Variants in FERMT2 observed in about 807,000 individuals in gnomAD.
FERMT2 encodes FERM domain containing kindlin 2.
FERMT2 carries 15 observed loss-of-function variants against 82.7 expected under a neutral mutation model. The observed-to-expected ratio is 0.18, with a 90% confidence interval of 0.12 to 0.28. The LOEUF (loss-of-function observed/expected upper bound fraction) is 0.28, where lower values mean the gene tolerates loss of function less well. Ranked by LOEUF, FERMT2 falls within the 10% of genes least tolerant of loss-of-function variation. The pLI is 1.00. For synonymous variants in FERMT2, 274 were observed against 271.5 expected (o/e 1.01, Z -0.09); for missense variants, 645 against 809.4 (o/e 0.80, Z 2.46).
chr14:52,884,664 A>G (rs1886485313), intron 4 of FERMT2, among the ~76,000 whole-genome samples: 1 of 152,060 alleles, frequency 6.6e-6, no homozygotes, highest in Non-Finnish European at 1.5e-5. Context: ...GCCTCCATGT[A>G]CTATAACTTA....
At chr14:52,949,911 C>CA (rs796535800) in intron 2 of FERMT2, among the ~76,000 whole-genome samples, 1 of 152,150 alleles carries the variant, frequency 6.6e-6, no homozygotes, top group East Asian at 1.9e-4. Flanking sequence ...TGCACTCCAC[C>CA]ACGTAGAACA....
At chr14:52,918,698 A>G (rs754865005) in intron 3 of FERMT2, among the ~76,000 whole-genome samples, 2 of 152,180 alleles carry the variant, frequency 1.3e-5, no homozygotes, top group Admixed American at 1.3e-4. Flanking sequence ...CAAATTGTAG[A>G]CTGGTGAAGG....
chr14:52,897,676 G>A (rs1225878192), intron 3 of FERMT2, among the ~76,000 whole-genome samples: 2 of 151,802 alleles, frequency 1.3e-5, no homozygotes, highest in African/African-American at 4.8e-5. Context: ...TTATTTCAAC[G>A]TTACTCTTAG....
At chr14:52,919,380 A>G (rs1484710911) in intron 2 of FERMT2, 24 bp from the exon 3 acceptor site, 3 of 1,506,516 alleles carry the variant, frequency 2.0e-6, no homozygotes, top group South Asian at 1.2e-5. Flanking sequence ...ACAATAAACA[A>G]ATCACTTAAA....
intron 12 of FERMT2, chr14:52,860,954 G>C: frequency 8.0e-7 from 1 of 1,244,276 alleles, no homozygotes; most frequent in South Asian, 1.4e-5. Flanking sequence ...CATGAGGGAA[G>C]GTTGTGGCTA....
intron 6 of FERMT2, among the ~76,000 whole-genome samples, chr14:52,880,098 C>A (rs927293726): frequency 1.3e-5 from 2 of 151,960 alleles, no homozygotes; most frequent in South Asian, 4.2e-4. Flanking sequence ...TCTGTCTCTA[C>A]AGAAAATAAG....
intron 12 of FERMT2, chr14:52,860,958 G>A (rs1884890952): frequency 2.3e-6 from 3 of 1,289,254 alleles, no homozygotes; most frequent in South Asian, 2.8e-5. Context: ...AGGGAAGGTT[G>A]TGGCTATGAA....
intron 2 of FERMT2, among the ~76,000 whole-genome samples, chr14:52,947,392 T>C (rs1350584249): frequency 6.6e-6 from 1 of 152,120 alleles, no homozygotes; most frequent in Non-Finnish European, 1.5e-5. Context: ...GGCAGGAGAA[T>C]GGCGTGAACC....
At chr14:52,859,396 T>C (rs1297404486) in intron 14 of FERMT2, 177 bp downstream of exon 14, 6 of 546,508 alleles carry the variant, frequency 1.1e-5, no homozygotes, top group Middle Eastern at 5.1e-4. Context: ...TTTTAGTAAC[T>C]GGGCTAATTA....
intron 3 of FERMT2, among the ~76,000 whole-genome samples, chr14:52,916,394 C>A (rs1363740754): frequency 1.3e-5 from 2 of 149,676 alleles, no homozygotes; most frequent in African/African-American, 2.5e-5. Context: ...TATCAAGCCA[C>A]AAAAAAACAT....
intron 3 of FERMT2, among the ~76,000 whole-genome samples, chr14:52,918,028 G>C (rs1207684712): frequency 6.6e-6 from 1 of 152,192 alleles, no homozygotes; most frequent in Non-Finnish European, 1.5e-5. Flanking sequence ...ATTTTCAAAT[G>C]TTTTCAGCAA....
At chr14:52,927,589 C>T (rs1889346645) in intron 2 of FERMT2, among the ~76,000 whole-genome samples, 1 of 36,430 alleles carries the variant, frequency 2.7e-5, no homozygotes, top group Non-Finnish European at 5.1e-5. Flanking sequence ...AACCTCATCC[C>T]TATAAAAAAA....
In FERMT2 at chr14:52,919,220, C is replaced by A; in HGVS notation, c.294G>T (p.Leu98=). 1 of 1,614,116 alleles carries A rather than the reference C, an allele frequency of 6.2e-7. No homozygotes were observed. Among genetic ancestry groups the A allele is most frequent in the Non-Finnish European group, 8.5e-7 (1 of 1,179,994 alleles). Residue 98 remains leucine, a synonymous_variant, in exon 3 of 15, where the codon CTG becomes CTT. Transcript: ENST00000341590. ...AKLQFTPQHK[L]LRLQLPNMKY... ...TCATGTTGGGAAGCTGCAGGCGGAGCAGTTTGTGCTGAGGGGTGAACTGAA... is the reference window on the plus strand; with the variant it reads ...TCATGTTGGGAAGCTGCAGGCGGAGAAGTTTGTGCTGAGGGGTGAACTGAA...
chr14:52,893,862 CT>C (rs1419582453), intron 3 of FERMT2, among the ~76,000 whole-genome samples: 2 of 148,440 alleles, frequency 1.3e-5, no homozygotes, highest in Non-Finnish European at 3.0e-5. Context: ...GAGTTTCACT[CT>C]TGTTACCCAG....
rs764302852 is a variant in FERMT2 at position 52,860,330 on chromosome 14, G to A, written c.1727+11C>T. 4.0e-5 allele frequency: 65 copies of A among 1,612,840 alleles called. No individual in the cohort carries two copies. Among genetic ancestry groups the A allele is most frequent in the Non-Finnish European group, 5.4e-5 (64 of 1,179,602 alleles). ...ATTAAGGTTTACACATAGATGCTTA[G>A]AACCACTGACCTTGCAATGAAGTGA... On this transcript the variant is annotated intron_variant, in intron 13 of 14. Coordinates refer to ENST00000341590, the MANE Select transcript of FERMT2 (RefSeq NM_006832.3).
chr14:52,904,039 G>GAT (rs1225856465), intron 3 of FERMT2, among the ~76,000 whole-genome samples: 1 of 152,200 alleles, frequency 6.6e-6, no homozygotes, highest in Non-Finnish European at 1.5e-5. Flanking sequence ...AGCAGCAAAT[G>GAT]ATAAAAAAGA....
chr14:52,863,222 G>A (rs1885061306), intron 12 of FERMT2: 1 of 143,574 alleles, frequency 7.0e-6, no homozygotes, highest in Admixed American at 7.4e-5. Context: ...CAACCTCTGA[G>A]ACTTAAAGAC....
At chr14:52,903,640 A>C (rs950588363) in intron 3 of FERMT2, among the ~76,000 whole-genome samples, 1 of 152,200 alleles carries the variant, frequency 6.6e-6, no homozygotes, top group African/African-American at 2.4e-5. Context: ...ATGACTTCCA[A>C]ATTCTGAGAG....
intron 3 of FERMT2, among the ~76,000 whole-genome samples, chr14:52,912,604 G>A (rs1486681511): frequency 6.6e-6 from 1 of 150,878 alleles, no homozygotes; most frequent in African/African-American, 2.4e-5. Flanking sequence ...TCCACCTCCC[G>A]GTTCAAGCGA....
Sources: allele counts gnomAD v4.1 joint callset (sites outside exome capture counted in the v4.1 genomes callset), GRCh38; gene constraint gnomAD v4.1.1; transcripts MANE v1.5; gene names NCBI Gene and HGNC (gene_info 2026-07-23, HGNC 2026-07-21).